Variants in PRR16 observed in about 807,000 individuals in gnomAD.
PRR16 encodes protein Largen.
PRR16 carries 6 observed loss-of-function variants against 18.2 expected under a neutral mutation model. That is an observed-to-expected ratio of 0.33 (90% CI 0.18 to 0.65). PRR16 has a LOEUF of 0.65. Among genes scored for constraint, PRR16 ranks in the 30% least tolerant of loss-of-function variants. PRR16 has a pLI of 0.74. For synonymous variants in PRR16, 151 were observed against 147.8 expected (o/e 1.02, Z -0.16); for missense variants, 412 against 376.6 (o/e 1.09, Z -0.78).
chr5:120,509,128 C>A (rs1258003598), intron 1 of PRR16, among the ~76,000 whole-genome samples: 1 of 152,014 alleles, frequency 6.6e-6, no homozygotes, highest in African/African-American at 2.4e-5. Context: ...AATTAGCTGG[C>A]AAAATGTAGT....
intron 1 of PRR16, among the ~76,000 whole-genome samples, chr5:120,467,228 A>G (rs901463328): frequency 4.6e-5 from 7 of 152,174 alleles, no homozygotes; most frequent in African/African-American, 1.7e-4. Flanking sequence ...TACGTGTTAA[A>G]TATAAACTGC....
intron 1 of PRR16, among the ~76,000 whole-genome samples, chr5:120,507,685 T>A (rs1750690455): frequency 6.6e-6 from 1 of 152,114 alleles, no homozygotes; most frequent in African/African-American, 2.4e-5. Flanking sequence ...AATTAAAAGT[T>A]GCTTTTTTAT....
At chr5:120,466,869 C>T (rs1749122109) in intron 1 of PRR16, among the ~76,000 whole-genome samples, 1 of 152,144 alleles carries the variant, frequency 6.6e-6, no homozygotes, top group East Asian at 1.9e-4. Context: ...AAATTTATGA[C>T]ATAAATAATG....
At chr5:120,591,989 G>A (rs995431073) in intron 1 of PRR16, among the ~76,000 whole-genome samples, 1 of 152,058 alleles carries the variant, frequency 6.6e-6, no homozygotes, top group Non-Finnish European at 1.5e-5. Context: ...AAAAAGCCCA[G>A]GATTGCTGTT....
chr5:120,738,856 A>C, the PRR16 span, among the ~76,000 whole-genome samples: 2 of 152,294 alleles, frequency 1.3e-5, no homozygotes, highest in African/African-American at 4.8e-5. Flanking sequence ...AGGGACACCT[A>C]ATGAGACAAA....
At chr5:120,516,153 G>A (rs1025870722) in intron 1 of PRR16, among the ~76,000 whole-genome samples, 5 of 152,130 alleles carry the variant, frequency 3.3e-5, no homozygotes, top group Non-Finnish European at 7.4e-5. Flanking sequence ...GCTGGTCGTG[G>A]TGGTTTATGC....
At chr5:120,494,995 G>T (rs1419502254) in intron 1 of PRR16, among the ~76,000 whole-genome samples, 1 of 151,978 alleles carries the variant, frequency 6.6e-6, no homozygotes, top group Non-Finnish European at 1.5e-5. Flanking sequence ...CTGTAGCCAC[G>T]TAAGTCTTGA....
intron 1 of PRR16, among the ~76,000 whole-genome samples, chr5:120,519,040 A>G (rs1823927): frequency 0.3 from 45,567 of 151,808 alleles, 8,054 homozygotes; most frequent in African/African-American, 0.5. Flanking sequence ...AAATAAGCCT[A>G]CGATTGAACC....
intron 1 of PRR16, among the ~76,000 whole-genome samples, chr5:120,645,606 TAC>T (rs1755565026): frequency 6.6e-6 from 1 of 152,038 alleles, no homozygotes; most frequent in Non-Finnish European, 1.5e-5. Flanking sequence ...TGCTGCAAAT[TAC>T]TAGTTTAAAC....
chr5:120,745,382 A>G, the PRR16 span, among the ~76,000 whole-genome samples: 1 of 152,042 alleles, frequency 6.6e-6, no homozygotes, highest in Non-Finnish European at 1.5e-5. Flanking sequence ...GGTGTTTTGG[A>G]AGTTTGTTCT....
intron 1 of PRR16, among the ~76,000 whole-genome samples, chr5:120,590,559 A>C (rs532395810): frequency 1.3e-5 from 2 of 152,216 alleles, no homozygotes; most frequent in African/African-American, 4.8e-5. Context: ...TGAGAATTTA[A>C]ATTATAGCTA....
chr5:120,475,349 T>G (rs986764628), intron 1 of PRR16, among the ~76,000 whole-genome samples: 3 of 152,206 alleles, frequency 2.0e-5, no homozygotes, highest in Non-Finnish European at 4.4e-5. Context: ...CTACCTTCTT[T>G]AAATCACGTC....
At chr5:120,790,669 C>T in the PRR16 span, 2 of 152,142 alleles carry the variant, frequency 1.3e-5, no homozygotes, top group Non-Finnish European at 2.9e-5. Context: ...TCAGTTCTTA[C>T]TGATTACTTC....
intron 1 of PRR16, among the ~76,000 whole-genome samples, chr5:120,548,359 G>T (rs1238364938): frequency 6.6e-6 from 1 of 152,004 alleles, no homozygotes; most frequent in Non-Finnish European, 1.5e-5. Flanking sequence ...ACTTATACAA[G>T]TCTCTCCTTA....
the PRR16 span, among the ~76,000 whole-genome samples, chr5:120,729,762 G>T: frequency 1.3e-5 from 2 of 152,276 alleles, no homozygotes; most frequent in Middle Eastern, 3.4e-3. Flanking sequence ...CATGAGCGAA[G>T]ACAGGGAATG....
At chr5:120,699,088 G>A in the PRR16 span, among the ~76,000 whole-genome samples, 3 of 152,072 alleles carry the variant, frequency 2.0e-5, no homozygotes, top group Admixed American at 2.0e-4. Flanking sequence ...GGGACATGTT[G>A]AGTAAAGCTA....
chr5:120,580,338 G>T (rs1753227349), intron 1 of PRR16, among the ~76,000 whole-genome samples: 1 of 151,832 alleles, frequency 6.6e-6, no homozygotes. Context: ...TCCACCTTTT[G>T]CCCATTCAAT....
the PRR16 span, among the ~76,000 whole-genome samples, chr5:120,792,909 C>T: frequency 2.0e-5 from 3 of 150,340 alleles, no homozygotes; most frequent in South Asian, 4.2e-4. Flanking sequence ...TCCAGAACTT[C>T]GAGAGGCCGA....
At chr5:120,609,091 T>A (rs1466653001) in intron 1 of PRR16, among the ~76,000 whole-genome samples, 1 of 152,126 alleles carries the variant, frequency 6.6e-6, no homozygotes, top group Non-Finnish European at 1.5e-5. Flanking sequence ...TGTTCTTTTT[T>A]TTTCAACAAC....
Sources: allele counts gnomAD v4.1 joint callset (sites outside exome capture counted in the v4.1 genomes callset), GRCh38; gene constraint gnomAD v4.1.1; transcripts MANE v1.5; gene names NCBI Gene and HGNC (gene_info 2026-07-23, HGNC 2026-07-21).